Variants in SV2C observed in about 807,000 individuals in gnomAD.
SV2C encodes synaptic vesicle glycoprotein 2C, also known as solute carrier family 22 member B3.
Under a neutral mutation model 79.7 loss-of-function variants are expected in SV2C, and 49 were observed. The ratio of observed to expected loss-of-function variants is 0.61; its 90% CI spans 0.49 to 0.78. SV2C has a LOEUF of 0.78. SV2C is among the 30% of genes least tolerant of loss of function. SV2C has a pLI of 0.00. For missense variants in SV2C, 833 were observed against 912.9 expected, an observed-to-expected ratio of 0.91 and a Z score of 1.13; for synonymous variants, 334 against 333.2, an observed-to-expected ratio of 1.00 and a Z score of -0.03.
At chr5:76,016,672 A>G in the SV2C span, among the ~76,000 whole-genome samples, 1 of 152,180 alleles carries the variant, frequency 6.6e-6, no homozygotes, top group Non-Finnish European at 1.5e-5. Context: ...AAACAACATA[A>G]AGCATCCTAT....
chr5:75,912,563 CAAA>C, the SV2C span, among the ~76,000 whole-genome samples: 1 of 152,076 alleles, frequency 6.6e-6, no homozygotes, highest in Non-Finnish European at 1.5e-5. Context: ...TAAAAAATGT[CAAA>C]AAATATGCAA....
At chr5:76,169,794 T>C (rs1743158597) in intron 2 of SV2C, among the ~76,000 whole-genome samples, 1 of 152,170 alleles carries the variant, frequency 6.6e-6, no homozygotes, top group Non-Finnish European at 1.5e-5. Context: ...ATTAGCTTGC[T>C]AGGTAGCCAG....
chr5:76,022,436 C>T, the SV2C span, among the ~76,000 whole-genome samples: 1 of 152,210 alleles, frequency 6.6e-6, no homozygotes, highest in Admixed American at 6.5e-5. Flanking sequence ...ACTCTTTCAC[C>T]TGCTAAGCCT....
chr5:76,015,459 C>G, the SV2C span, among the ~76,000 whole-genome samples: 1 of 152,148 alleles, frequency 6.6e-6, no homozygotes, highest in Non-Finnish European at 1.5e-5. Context: ...CTTCCCTACC[C>G]ACAATGCCAC....
chr5:76,243,325 T>C (rs191352403), intron 4 of SV2C, among the ~76,000 whole-genome samples: 1 of 152,334 alleles, frequency 6.6e-6, no homozygotes, highest in Non-Finnish European at 1.5e-5. Flanking sequence ...AGATTAGTTC[T>C]ACAGTCAACA....
the SV2C span, among the ~76,000 whole-genome samples, chr5:75,912,721 C>A: frequency 1.3e-5 from 2 of 152,188 alleles, no homozygotes; most frequent in Admixed American, 6.5e-5. Flanking sequence ...TATTATGTTT[C>A]TTCTTATTCT....
chr5:76,017,445 C>T, the SV2C span, among the ~76,000 whole-genome samples: 101 of 152,114 alleles, frequency 6.6e-4, no homozygotes, highest in African/African-American at 2.3e-3. Context: ...CACCACCATA[C>T]CAGGCTAATT....
chr5:76,143,809 C>G (rs1421922086), intron 2 of SV2C, among the ~76,000 whole-genome samples: 2 of 152,148 alleles, frequency 1.3e-5, no homozygotes, highest in Admixed American at 6.5e-5. Flanking sequence ...TTTTTTCAAA[C>G]TAACGAATAT....
At chr5:75,967,673 G>A in the SV2C span, among the ~76,000 whole-genome samples, 1 of 152,246 alleles carries the variant, frequency 6.6e-6, no homozygotes, top group Non-Finnish European at 1.5e-5. Context: ...AAGTGGCCAG[G>A]AAGCTCGAAC....
the SV2C span, among the ~76,000 whole-genome samples, chr5:76,065,901 C>G: frequency 1.7e-4 from 26 of 152,120 alleles, no homozygotes; most frequent in Non-Finnish European, 2.8e-4. Context: ...AGGATAGACT[C>G]CGGAAGGGGG....
intron 4 of SV2C, among the ~76,000 whole-genome samples, chr5:76,247,221 G>C (rs1388443060): frequency 6.6e-6 from 1 of 152,212 alleles, no homozygotes; most frequent in Non-Finnish European, 1.5e-5. Flanking sequence ...CTTAGCAAAT[G>C]CTACAGAGGA....
At chr5:76,189,533 T>C (rs1375901178) in intron 2 of SV2C, among the ~76,000 whole-genome samples, 1 of 152,180 alleles carries the variant, frequency 6.6e-6, no homozygotes, top group East Asian at 1.9e-4. Flanking sequence ...AGTAGAAAAG[T>C]TGGTAAATGC....
the SV2C span, among the ~76,000 whole-genome samples, chr5:75,851,524 C>T: frequency 2.0e-5 from 3 of 152,158 alleles, no homozygotes; most frequent in Non-Finnish European, 2.9e-5. Context: ...TTCATATGTA[C>T]CCATGGGATT....
chr5:76,322,218 T>A (rs1340321805), intron 12 of SV2C, among the ~76,000 whole-genome samples: 1 of 152,078 alleles, frequency 6.6e-6, no homozygotes, highest in Non-Finnish European at 1.5e-5. Context: ...CGTGCAAAAA[T>A]CACAAGCATT....
At chr5:76,313,829 G>GC (rs1748535859) in intron 12 of SV2C, among the ~76,000 whole-genome samples, 1 of 152,116 alleles carries the variant, frequency 6.6e-6, no homozygotes, top group African/African-American at 2.4e-5. Context: ...TGCTTATACA[G>GC]AACAGCACTC....
chr5:76,010,208 A>G, the SV2C span, among the ~76,000 whole-genome samples: 21 of 152,172 alleles, frequency 1.4e-4, no homozygotes, highest in Non-Finnish European at 2.5e-4. Flanking sequence ...AACAGGCATC[A>G]GGCCCTCTCT....
At chr5:76,068,473 C>T in the SV2C span, among the ~76,000 whole-genome samples, 2 of 151,990 alleles carry the variant, frequency 1.3e-5, no homozygotes, top group African/African-American at 4.8e-5. Flanking sequence ...TTTGCATCTT[C>T]GTCCACACTT....
chr5:76,268,632 ATAT>A (rs1324504594), intron 4 of SV2C, among the ~76,000 whole-genome samples: 1 of 152,228 alleles, frequency 6.6e-6, no homozygotes, highest in Non-Finnish European at 1.5e-5. Context: ...TTTAGGAAAT[ATAT>A]GGTTATTACT....
the SV2C span, among the ~76,000 whole-genome samples, chr5:75,871,781 C>T: frequency 6.6e-6 from 1 of 150,398 alleles, no homozygotes; most frequent in African/African-American, 2.4e-5. Context: ...GCACTCCAGC[C>T]TGGCAACAGA....
Sources: allele counts gnomAD v4.1 joint callset (sites outside exome capture counted in the v4.1 genomes callset), GRCh38; gene constraint gnomAD v4.1.1; transcripts MANE v1.5; gene names NCBI Gene and HGNC (gene_info 2026-07-23, HGNC 2026-07-21).